Variants in ABCA4 observed in about 807,000 individuals in gnomAD.
The protein encoded by ABCA4 is ATP binding cassette subfamily A member 4, also known as retinal-specific phospholipid-transporting ATPase ABCA4.
In ABCA4, 196 loss-of-function variants were observed where a neutral mutation model predicts 263.7. That is an observed-to-expected ratio of 0.74 (90% confidence interval 0.66 to 0.84). ABCA4 has a LOEUF of 0.84. Among genes scored for constraint, ABCA4 ranks in the 40% least tolerant of loss-of-function variants. The probability of loss-of-function intolerance (pLI) is 0.00; values close to 1 mark genes in which losing one functional copy is unlikely to be tolerated. For synonymous variants in ABCA4, 1,133 were observed against 1,094.2 expected, an observed-to-expected ratio of 1.04 and a Z score of -0.70; for missense variants, 2,792 against 2,855.1, an observed-to-expected ratio of 0.98 and a Z score of 0.50.
intron 6 of ABCA4, among the ~76,000 whole-genome samples, chr1:94,087,390 T>C (rs757647043): frequency 6.6e-6 from 1 of 152,186 alleles, no homozygotes; most frequent in Admixed American, 6.5e-5. Context: ...CTATGCAATA[T>C]TGCTAAAAGT....
chr1:94,096,316 G>T (rs138211833), intron 6 of ABCA4, among the ~76,000 whole-genome samples: 2 of 152,122 alleles, frequency 1.3e-5, no homozygotes, highest in Non-Finnish European at 2.9e-5. Flanking sequence ...GCTACCGCTC[G>T]GGGGGACAAA....
At position 94,029,604 on chromosome 1, in the gene ABCA4, G is replaced by A; in HGVS notation, c.4380C>T (p.Pro1460=). Residue 1460 remains proline, a synonymous_variant, in exon 30 of 50, where the codon CCC becomes CCT. Coordinates refer to ENST00000370225, the MANE Select transcript of ABCA4 (RefSeq NM_000350.3). The stretch of plus-strand genomic sequence containing the variant: ...TTGGGGACACAGAAGGAGTCTTCCA[G>A]GGTGTTGAGTTGCCACAGGGGTACT... ...LPEYPCGNST[P]WKTPSVSPNI... 1 of 1,613,976 alleles carries A rather than the reference G, an allele frequency of 6.2e-7. No homozygotes were observed. Among genetic ancestry groups the A allele is most frequent in the Non-Finnish European group, 8.5e-7 (1 of 1,179,922 alleles).
Position 94,113,043 on chromosome 1 carries a change from C to T in ABCA4, c.90G>A (p.Val30=). The part of the protein sequence containing the change: ...RQKIRFVVEL[V]WPLSLFLVLI... ...AGACCAGAAATAAAGATAAAGGCCA[C>T]ACGAGTTCCACCACAAAGCGAATCT... The change falls in exon 2 of 50, where the codon GTG becomes GTA. Residue 30 remains valine (V), a synonymous_variant. Transcript: ENST00000370225. The T allele has an allele frequency of 6.2e-7, 1 of 1,614,078 alleles. No individual in the cohort carries two copies. Among genetic ancestry groups the T allele is most frequent in the Non-Finnish European group, 8.5e-7 (1 of 1,180,002 alleles).
chr1:94,087,053 T>C (rs370291534), intron 6 of ABCA4, among the ~76,000 whole-genome samples: 4 of 152,322 alleles, frequency 2.6e-5, no homozygotes, highest in African/African-American at 9.6e-5. Flanking sequence ...CTTCATATGG[T>C]GGAAGCGGCA....
chr1:94,047,792 C>T (rs908829574), intron 18 of ABCA4, among the ~76,000 whole-genome samples: 1 of 152,134 alleles, frequency 6.6e-6, no homozygotes, highest in African/African-American at 2.4e-5. Flanking sequence ...ACCCCACTCC[C>T]CTCCTTCTTC....
chr1:93,998,713 ATTTATTTTAT>A (rs374404349), intron 47 of ABCA4, among the ~76,000 whole-genome samples: 22,404 of 133,596 alleles, frequency 0.17, 3,081 homozygotes, highest in African/African-American at 0.42. Context: ...ATTTTATTTT[ATTTATTTTAT>A]TTTATTTTAT....
intron 40 of ABCA4, among the ~76,000 whole-genome samples, chr1:94,009,713 T>A (rs1659495078): frequency 6.6e-6 from 1 of 152,208 alleles, no homozygotes; most frequent in African/African-American, 2.4e-5. Context: ...ACTTCTCTGG[T>A]CCTCTTTAGG....
chr1:94,073,158 G>A (rs969561341), intron 11 of ABCA4, among the ~76,000 whole-genome samples: 3 of 152,182 alleles, frequency 2.0e-5, no homozygotes, highest in African/African-American at 4.8e-5. Context: ...CCCAAAACAC[G>A]AGAACAGAAG....
rs1237222731 is a variant in ABCA4 at position 94,078,742 on chromosome 1, CA to C, written c.1240-37del. On this transcript the variant is annotated intron_variant, in intron 9 of 49. Coordinates refer to ENST00000370225, the MANE Select transcript of ABCA4 (RefSeq NM_000350.3). ...ACAGAGATCAAGACAGAGACACGAA[CA>C]GAGAGAAAAGTGAGAGAGAACTTTT... The C allele has an allele frequency of 2.7e-6, 4 of 1,461,338 alleles. No homozygotes were observed. In the African/African-American group the frequency reaches 5.7e-5, roughly 21 times the overall value. 90.5% of individuals were successfully genotyped at this position (1,461,338 alleles called of 1,614,324 possible).
intron 6 of ABCA4, among the ~76,000 whole-genome samples, chr1:94,095,452 T>TA (rs572860724): frequency 2.6e-4 from 40 of 152,088 alleles, no homozygotes; most frequent in Non-Finnish European, 5.9e-4. Flanking sequence ...AAACCTTATT[T>TA]ATACACTGGC....
intron 32 of ABCA4, among the ~76,000 whole-genome samples, chr1:94,022,261 C>T (rs899302725): frequency 1.3e-5 from 2 of 152,188 alleles, no homozygotes; most frequent in African/African-American, 4.8e-5. Context: ...TCCAGAGCTC[C>T]TCATGGCCCA....
At chr1:94,007,918 C>T (rs934236448) in intron 42 of ABCA4, among the ~76,000 whole-genome samples, 178 bp from the exon 43 acceptor site, 2 of 152,080 alleles carry the variant, frequency 1.3e-5, no homozygotes, top group Admixed American at 6.5e-5. Flanking sequence ...CCAGTTGACA[C>T]GGGCCCTGAG....
At chr1:94,017,914 T>C (rs1659783377) in intron 36 of ABCA4, among the ~76,000 whole-genome samples, 2 of 152,274 alleles carry the variant, frequency 1.3e-5, no homozygotes, top group African/African-American at 4.8e-5. Context: ...ATATATGTGC[T>C]AAGTGAATTA....
intron 24 of ABCA4, among the ~76,000 whole-genome samples, chr1:94,038,602 G>A (rs528888484): frequency 3.9e-5 from 6 of 152,322 alleles, no homozygotes; most frequent in African/African-American, 1.2e-4. Flanking sequence ...GACTTCATAC[G>A]GAGGCTGGAG....
intron 38 of ABCA4, among the ~76,000 whole-genome samples, chr1:94,013,102 T>C (rs1659598371): frequency 6.6e-6 from 1 of 152,216 alleles, no homozygotes; most frequent in Non-Finnish European, 1.5e-5. Flanking sequence ...ATTTAATTAT[T>C]CTGAAGGAAA....
At chr1:93,993,372 T>C in intron 49 of ABCA4, 130 bp from the exon 50 acceptor site, 1 of 1,166,516 alleles carries the variant, frequency 8.6e-7, no homozygotes, top group Non-Finnish European at 1.3e-6. Flanking sequence ...ACTGTGATTC[T>C]GTCAGATCAC....
intron 17 of ABCA4, among the ~76,000 whole-genome samples, chr1:94,050,259 G>A (rs1305311052): frequency 6.6e-6 from 1 of 152,224 alleles, no homozygotes; most frequent in African/African-American, 2.4e-5. Flanking sequence ...GAAATAGCAA[G>A]AGGAAACATC....
chr1:94,006,100 C>T (rs183804255), intron 43 of ABCA4, among the ~76,000 whole-genome samples: 65 of 152,224 alleles, frequency 4.3e-4, no homozygotes, highest in African/African-American at 1.5e-3. Context: ...CTCCCTTTGG[C>T]TAATATATTC....
At chr1:94,007,564 G>A (rs1467785865) in intron 43 of ABCA4, 70 bp downstream of exon 43, 2 of 1,380,272 alleles carry the variant, frequency 1.4e-6, no homozygotes, top group East Asian at 2.3e-5. Context: ...AGGGTCTGAT[G>A]ATCACCCTTC....
Sources: gnomAD v4.1 joint callset for allele counts (sites outside exome capture counted in the v4.1 genomes callset) on GRCh38, gnomAD v4.1.1 for gene constraint, MANE v1.5 for transcripts, NCBI Gene and HGNC (gene_info 2026-07-23, HGNC 2026-07-21) for gene names.